The following GABRB1 variants were observed in gnomAD, a reference collection of about 807,000 sequenced individuals.
GABRB1 encodes gamma-aminobutyric acid type A receptor subunit beta1.
A neutral mutation model predicts 51.6 loss-of-function variants in GABRB1; 17 were observed. That is an observed-to-expected ratio of 0.33 (90% CI 0.23 to 0.49). The LOEUF (loss-of-function observed/expected upper bound fraction) is 0.49. Among genes scored for constraint, GABRB1 ranks in the 20% least tolerant of loss-of-function variants. The pLI is 0.99. For synonymous variants in GABRB1, 247 were observed against 218.9 expected, an observed-to-expected ratio of 1.13 and a Z score of -1.14; for missense variants, 410 against 600.6, an observed-to-expected ratio of 0.68 and a Z score of 3.32.
chr4:47,282,573 A>C (rs1257213514), intron 4 of GABRB1, among the ~76,000 whole-genome samples: 2 of 152,182 alleles, frequency 1.3e-5, no homozygotes, highest in South Asian at 2.1e-4. Flanking sequence ...TAAAAAAAAA[A>C]CAGTAATCTA....
intron 4 of GABRB1, among the ~76,000 whole-genome samples, chr4:47,316,608 T>C (rs62304035): frequency 0.061 from 9,224 of 152,014 alleles, 277 homozygotes; most frequent in Admixed American, 0.079. Flanking sequence ...GGTTAAATTA[T>C]GCAGAGCATT....
chr4:47,253,292 G>GA (rs1162448109), intron 4 of GABRB1, among the ~76,000 whole-genome samples: 1 of 152,204 alleles, frequency 6.6e-6, no homozygotes, highest in Non-Finnish European at 1.5e-5. Context: ...TGTCAAAGGG[G>GA]AATCCCATTT....
chr4:47,017,823 G>T (rs1724794111), intron 1 of GABRB1, among the ~76,000 whole-genome samples: 1 of 152,158 alleles, frequency 6.6e-6, no homozygotes, highest in South Asian at 2.1e-4. Context: ...TCCACAGATT[G>T]TTAAGGAGAA....
At chr4:47,032,533 A>G (rs1725367871) in intron 3 of GABRB1, 49 bp downstream of exon 3, 6 of 1,548,484 alleles carry the variant, frequency 3.9e-6, no homozygotes, top group Non-Finnish European at 5.4e-6. Flanking sequence ...GCAGATGGGA[A>G]ATGGACAGGT....
chr4:47,282,651 T>C (rs1723336852), intron 4 of GABRB1, among the ~76,000 whole-genome samples: 1 of 152,208 alleles, frequency 6.6e-6, no homozygotes, highest in Admixed American at 6.5e-5. Flanking sequence ...AGGAAATTAT[T>C]TTCTTTACAA....
intron 4 of GABRB1, among the ~76,000 whole-genome samples, chr4:47,211,455 G>C (rs566137509): frequency 2.6e-5 from 4 of 152,140 alleles, no homozygotes; most frequent in Non-Finnish European, 5.9e-5. Flanking sequence ...AGATGTTTCT[G>C]TCAGGAGACA....
intron 8 of GABRB1, among the ~76,000 whole-genome samples, chr4:47,410,556 T>C (rs758586316): frequency 2.7e-4 from 41 of 152,170 alleles, no homozygotes; most frequent in Non-Finnish European, 8.8e-5. Flanking sequence ...TGGAGTTTGA[T>C]TGTTCCAGAG....
intron 4 of GABRB1, among the ~76,000 whole-genome samples, chr4:47,287,033 C>T (rs1314921670): frequency 2.6e-5 from 4 of 152,188 alleles, no homozygotes; most frequent in African/African-American, 9.7e-5. Flanking sequence ...TCTTTCCCTA[C>T]ACCGCATTGG....
intron 1 of GABRB1, among the ~76,000 whole-genome samples, chr4:47,001,438 G>A (rs560910044): frequency 4.4e-4 from 67 of 152,272 alleles, no homozygotes; most frequent in Admixed American, 7.2e-4. Context: ...CACCATGCCC[G>A]GCCAGATATT....
chr4:47,418,675 T>G (rs1016886402), intron 8 of GABRB1, among the ~76,000 whole-genome samples: 1 of 152,180 alleles, frequency 6.6e-6, no homozygotes, highest in African/African-American at 2.4e-5. Context: ...TGCTTCTATA[T>G]GCCAAGTACT....
chr4:47,380,274 A>G (rs1727547827), intron 5 of GABRB1, among the ~76,000 whole-genome samples: 1 of 152,260 alleles, frequency 6.6e-6, no homozygotes, highest in Non-Finnish European at 1.5e-5. Context: ...CTTTAGTAAA[A>G]GATAATCTTC....
In GABRB1 at chr4:47,037,809, A is replaced by G. The variant is rs548949049; in HGVS notation, c.240+5325A>G. ...ACAATTCTTACCCCTCCCCACCATTACAGATTGAAAAACTGAGGCTGAGAG... is the reference window on the plus strand; with the variant it reads ...ACAATTCTTACCCCTCCCCACCATTGCAGATTGAAAAACTGAGGCTGAGAG... On this transcript the variant is annotated intron_variant, in intron 3 of 8. Transcript: ENST00000295454. Among the ~76,000 whole-genome samples the G allele has an allele frequency of 2.0e-5, 3 of 152,166 alleles. No individual in the cohort carries two copies. In the South Asian group the frequency reaches 6.2e-4, roughly 32 times the overall value.
At chr4:47,201,284 G>T (rs912014307) in intron 4 of GABRB1, among the ~76,000 whole-genome samples, 3 of 151,926 alleles carry the variant, frequency 2.0e-5, no homozygotes, top group African/African-American at 7.3e-5. Flanking sequence ...AAAGTTCAAA[G>T]AGAAACTATC....
At chr4:47,011,191 G>C (rs1239925428) in intron 1 of GABRB1, among the ~76,000 whole-genome samples, 1 of 152,120 alleles carries the variant, frequency 6.6e-6, no homozygotes, top group Non-Finnish European at 1.5e-5. Context: ...AGAAAAAGGT[G>C]GGAGGGCCCA....
At chr4:47,066,732 A>T (rs1479658873) in intron 3 of GABRB1, among the ~76,000 whole-genome samples, 1 of 152,144 alleles carries the variant, frequency 6.6e-6, no homozygotes. Flanking sequence ...ATCTGTAGTC[A>T]ATTCCTCCAC....
upstream of GABRB1, among the ~76,000 whole-genome samples, chr4:47,027,087 A>C (rs1035233597): frequency 6.6e-6 from 1 of 151,660 alleles, no homozygotes. Context: ...TAAAATGTTA[A>C]CTATACTTAT....
At chr4:47,132,914 G>A (rs541716925) in intron 3 of GABRB1, among the ~76,000 whole-genome samples, 1 of 152,200 alleles carries the variant, frequency 6.6e-6, no homozygotes, top group African/African-American at 2.4e-5. Context: ...ATATCTTCAT[G>A]TCTTTCCTCA....
At chr4:47,278,776 C>A (rs796295732) in intron 4 of GABRB1, among the ~76,000 whole-genome samples, 6 of 152,260 alleles carry the variant, frequency 3.9e-5, no homozygotes, top group African/African-American at 1.4e-4. Flanking sequence ...AGTTGCCAGA[C>A]CATCTGGCTA....
chr4:47,099,260 G>A (rs950399174), intron 3 of GABRB1, among the ~76,000 whole-genome samples: 1 of 152,114 alleles, frequency 6.6e-6, no homozygotes, highest in Non-Finnish European at 1.5e-5. Context: ...CTGAGAAATA[G>A]GAGTTTGACT....
Sources: allele counts gnomAD v4.1 joint callset (sites outside exome capture counted in the v4.1 genomes callset), GRCh38; gene constraint gnomAD v4.1.1; transcripts MANE v1.5; gene names NCBI Gene and HGNC (gene_info 2026-07-23, HGNC 2026-07-21).